The following RCL1 variants were observed in gnomAD, a reference collection of about 807,000 sequenced individuals.
RCL1 encodes the protein RNA terminal phosphate cyclase like 1, also known as RNA 3'-terminal phosphate cyclase-like protein.
A neutral mutation model predicts 42.4 loss-of-function variants in RCL1; 24 were observed. That is an observed-to-expected ratio of 0.57 (90% CI 0.41 to 0.80). The LOEUF (loss-of-function observed/expected upper bound fraction) is 0.80, where lower values mean the gene tolerates loss of function less well. RCL1 is among the 30% of genes least tolerant of loss of function. RCL1 has a pLI of 0.00. For synonymous variants in RCL1, 228 were observed against 177.3 expected, an observed-to-expected ratio of 1.29 and a Z score of -2.27; for missense variants, 578 against 467.9, an observed-to-expected ratio of 1.24 and a Z score of -2.17.
intron 8 of RCL1, among the ~76,000 whole-genome samples, chr9:4,852,679 A>C (rs1014891737): frequency 1.3e-5 from 2 of 152,110 alleles, no homozygotes; most frequent in Non-Finnish European, 2.9e-5. Context: ...GCTCCTGGCA[A>C]CGTGCCTGAG....
intron 1 of RCL1, among the ~76,000 whole-genome samples, chr9:4,814,840 G>C (rs1200335217): frequency 6.6e-6 from 1 of 151,438 alleles, no homozygotes; most frequent in African/African-American, 2.4e-5. Flanking sequence ...GTTTTTGCTT[G>C]TCTGGGAAAG....
chr9:4,827,158 C>CT (rs1816792876), intron 3 of RCL1, 125 bp downstream of exon 3: 2 of 1,553,290 alleles, frequency 1.3e-6, no homozygotes, highest in South Asian at 2.4e-5. Flanking sequence ...TTGTTATTTA[C>CT]TTTGAGATTT....
intron 1 of RCL1, among the ~76,000 whole-genome samples, chr9:4,801,444 C>G (rs1469271442): frequency 1.3e-5 from 2 of 152,140 alleles, no homozygotes; most frequent in African/African-American, 2.4e-5. Flanking sequence ...GGTGTAATTC[C>G]TAAGGTATTA....
At chr9:4,830,067 G>GT (rs547660903) in intron 3 of RCL1, among the ~76,000 whole-genome samples, 293 of 152,358 alleles carry the variant, frequency 1.9e-3, no homozygotes, top group African/African-American at 6.8e-3. Context: ...GGAGATAGAA[G>GT]TATTTGGAGA....
chr9:4,819,501 A>G (rs1229759375), intron 1 of RCL1, among the ~76,000 whole-genome samples: 2 of 152,230 alleles, frequency 1.3e-5, no homozygotes, highest in Non-Finnish European at 2.9e-5. Context: ...GTCACTATCA[A>G]TGTACACTAT....
chr9:4,841,183 C>T (rs763800528), intron 5 of RCL1, 49 bp from the exon 6 acceptor site: 25 of 1,609,244 alleles, frequency 1.6e-5, no homozygotes, highest in Non-Finnish European at 2.1e-5. Flanking sequence ...ACTGATTTTT[C>T]TCTGTCCTGG....
At chr9:4,824,897 A>G (rs1318081975) in intron 2 of RCL1, among the ~76,000 whole-genome samples, 8 of 152,118 alleles carry the variant, frequency 5.3e-5, no homozygotes, top group Admixed American at 5.2e-4. Context: ...GATCCAGAAG[A>G]CGGATAATTC....
chr9:4,807,887 A>G (rs1347303830), intron 1 of RCL1, among the ~76,000 whole-genome samples: 1 of 151,842 alleles, frequency 6.6e-6, no homozygotes, highest in Non-Finnish European at 1.5e-5. Flanking sequence ...ATTGATTTTA[A>G]TTTCATTCCA....
chr9:4,813,739 G>C (rs938957723), intron 1 of RCL1, among the ~76,000 whole-genome samples: 1 of 152,184 alleles, frequency 6.6e-6, no homozygotes, highest in South Asian at 2.1e-4. Context: ...ACACGCACAC[G>C]TATGTTTATT....
chr9:4,809,530 G>C (rs1031582026), intron 1 of RCL1, among the ~76,000 whole-genome samples: 2 of 152,050 alleles, frequency 1.3e-5, no homozygotes, highest in African/African-American at 4.8e-5. Context: ...GGCCGGTCTC[G>C]ATCTCCTGAC....
intron 1 of RCL1, among the ~76,000 whole-genome samples, 181 bp downstream of exon 1, chr9:4,793,408 G>C (rs1258702177): frequency 1.3e-5 from 2 of 152,136 alleles, no homozygotes; most frequent in Non-Finnish European, 2.9e-5. Flanking sequence ...AGGCGGGGTC[G>C]GGGCCCGAGG....
At chr9:4,834,389 T>A in intron 5 of RCL1, 124 bp downstream of exon 5, 1 of 1,163,160 alleles carries the variant, frequency 8.6e-7, no homozygotes, top group African/African-American at 1.6e-5. Context: ...CTTTGAAAAG[T>A]CTTAACAGTG....
chr9:4,798,937 T>C (rs1340359946), intron 1 of RCL1, among the ~76,000 whole-genome samples: 3 of 151,096 alleles, frequency 2.0e-5, no homozygotes, highest in Non-Finnish European at 4.4e-5. Flanking sequence ...AGTTTTCAGA[T>C]ACAGTGTTGT....
chr9:4,808,633 AG>A (rs1168067404), intron 1 of RCL1, among the ~76,000 whole-genome samples: 2 of 152,190 alleles, frequency 1.3e-5, no homozygotes, highest in Non-Finnish European at 2.9e-5. Flanking sequence ...GAAATGCTCT[AG>A]TAAAATAGGG....
In RCL1 at chr9:4,860,107, T is replaced by C. The variant is rs776901611; in HGVS notation, c.972-18T>C. The C allele has an allele frequency of 6.7e-7, 1 of 1,490,960 alleles. No individual in the cohort carries two copies. 92.4% of individuals were successfully genotyped at this position (1,490,960 alleles called of 1,614,324 possible). A position where few individuals can be genotyped will look rare whatever the true frequency, so the allele number is the denominator to read the frequency against. On this transcript the variant is annotated intron_variant, in intron 8 of 8. Coordinates refer to ENST00000381750, the MANE Select transcript of RCL1 (RefSeq NM_005772.5). ...ATGAATTTCTTTTTATTTATTTATT[T>C]ATTTTTTTCCTTTTTAGGATAGAAT... is the stretch of plus-strand genomic sequence containing the variant.
At chr9:4,836,074 G>A (rs989149611) in intron 5 of RCL1, among the ~76,000 whole-genome samples, 2 of 152,138 alleles carry the variant, frequency 1.3e-5, no homozygotes, top group African/African-American at 4.8e-5. Flanking sequence ...GACAAGGATG[G>A]TAAAGATGTG....
intron 1 of RCL1, among the ~76,000 whole-genome samples, chr9:4,802,579 T>C (rs1318840708): frequency 6.6e-6 from 1 of 152,242 alleles, no homozygotes; most frequent in East Asian, 1.9e-4. Context: ...ATGAGAAATG[T>C]TCATTTGTTC....
intron 8 of RCL1, among the ~76,000 whole-genome samples, chr9:4,859,828 T>C (rs999116845): frequency 3.9e-5 from 6 of 152,206 alleles, no homozygotes; most frequent in Non-Finnish European, 8.8e-5. Context: ...ACCATATTTC[T>C]GTCCATTTTC....
intron 2 of RCL1, among the ~76,000 whole-genome samples, chr9:4,826,499 C>A (rs1049447399): frequency 6.6e-6 from 1 of 152,144 alleles, no homozygotes; most frequent in East Asian, 1.9e-4. Flanking sequence ...GATTTAAGCA[C>A]ATCATTTGTA....
Sources: allele counts gnomAD v4.1 joint callset (sites outside exome capture counted in the v4.1 genomes callset), GRCh38; gene constraint gnomAD v4.1.1; transcripts MANE v1.5; gene names NCBI Gene and HGNC (gene_info 2026-07-23, HGNC 2026-07-21).